Variants in ASB15 observed in about 807,000 individuals in gnomAD.
ASB15 encodes ankyrin repeat and SOCS box containing 15.
ASB15 carries 54 observed loss-of-function variants against 58.0 expected under a neutral mutation model. The observed-to-expected ratio is 0.93, with a 90% CI of 0.75 to 1.17. The LOEUF is 1.17. Ranked by LOEUF, ASB15 falls within the 50% of genes most tolerant of loss-of-function variation. The probability of loss-of-function intolerance (pLI) is 0.00; values close to 1 mark genes in which losing one functional copy is unlikely to be tolerated. For missense variants in ASB15, 680 were observed against 707.4 expected, an observed-to-expected ratio of 0.96 and a Z score of 0.44; for synonymous variants, 249 against 262.4, an observed-to-expected ratio of 0.95 and a Z score of 0.50.
chr7:123,613,223 C>T (rs73718437), intron 3 of ASB15, among the ~76,000 whole-genome samples: 12,596 of 152,040 alleles, frequency 0.083, 606 homozygotes, highest in African/African-American at 0.13. Context: ...AATTATCCAA[C>T]CTTGAGGAAG....
At position 123,629,550 on chromosome 7, in the gene ASB15, G is replaced by GT. The variant is rs1396469396; in HGVS notation, c.1440+122dup. The GT allele has an allele frequency of 2.7e-5, 28 of 1,031,238 alleles. 1 individual carries two copies. In the East Asian group the frequency reaches 4.7e-4, roughly 17 times the overall value. The allele number at this position is 1,031,238 out of a possible 1,614,324, so 63.9% of individuals were successfully genotyped here. On this transcript the variant is annotated intron_variant, in intron 10 of 11. Coordinates refer to ENST00000451215, the MANE Select transcript of ASB15 (RefSeq NM_001290258.2). ...AAACTCTAATTTTTCTATTTTTCTT[G>GT]TTTTTTCAATTTTTGTATGCAATGA...
intron 1 of ASB15, among the ~76,000 whole-genome samples, chr7:123,567,449 A>G (rs1343144701): frequency 2.0e-5 from 3 of 152,222 alleles, no homozygotes; most frequent in African/African-American, 7.2e-5. Flanking sequence ...CCTCTAGCCT[A>G]TCCAATAAAA....
chr7:123,575,600 T>C (rs902740897), intron 1 of ASB15, among the ~76,000 whole-genome samples: 4 of 152,068 alleles, frequency 2.6e-5, no homozygotes, highest in Admixed American at 2.0e-4. Flanking sequence ...TCCCTACTAC[T>C]CCATTTGTCA....
intron 1 of ASB15, among the ~76,000 whole-genome samples, chr7:123,586,220 C>T (rs866766385): frequency 9.2e-5 from 14 of 151,878 alleles, no homozygotes; most frequent in Middle Eastern, 3.4e-3. Flanking sequence ...TTTTATTTCT[C>T]CACTTCATCA....
rs368088097 is a variant in ASB15, at chr7:123,629,201, G to A, written c.1207G>A (p.Gly403Arg). 4.0e-5 allele frequency: 64 copies of A among 1,613,602 alleles called. 2 individuals are homozygous for A. Among genetic ancestry groups the A allele is most frequent in the Non-Finnish European group, 5.9e-6 (7 of 1,179,640 alleles). The change falls in exon 10 of 12, where the codon GGA (glycine) becomes AGA (arginine). Residue 403 changes from glycine (G) to arginine (R), a missense_variant. Transcript: ENST00000451215. ...YEIVRLLLSHGANVNCYFMHV... is the reference protein window; with the variant it reads ...YEIVRLLLSHRANVNCYFMHV... ...AATTGTCAGGCTGCTTCTCTCCCAT[G>A]GAGCTAATGTCAATTGTTATTTTAT...
At chr7:123,583,850 AT>A (rs1458105274) in intron 1 of ASB15, among the ~76,000 whole-genome samples, 1 of 151,936 alleles carries the variant, frequency 6.6e-6, no homozygotes, top group Non-Finnish European at 1.5e-5. Flanking sequence ...TGATTCCACA[AT>A]AAAAAACCAA....
chr7:123,635,796 GA>G (rs974763291), intron 11 of ASB15, among the ~76,000 whole-genome samples: 28 of 144,588 alleles, frequency 1.9e-4, no homozygotes, highest in East Asian at 6.0e-4. Flanking sequence ...TATTGGTTAG[GA>G]AAAAAAAAAA....
intron 6 of ASB15, among the ~76,000 whole-genome samples, chr7:123,616,920 A>G (rs568359692): frequency 2.6e-5 from 4 of 152,276 alleles, no homozygotes; most frequent in Admixed American, 6.5e-5. Context: ...TGGTCTTTAC[A>G]TTACATTGAT....
At chr7:123,615,006 T>C (rs1800706929) in intron 4 of ASB15, among the ~76,000 whole-genome samples, 1 of 152,222 alleles carries the variant, frequency 6.6e-6, no homozygotes. Context: ...CTGATACAGC[T>C]AACCCTTTAT....
intron 2 of ASB15, among the ~76,000 whole-genome samples, chr7:123,605,024 A>T (rs1251943244): frequency 6.6e-6 from 1 of 152,176 alleles, no homozygotes; most frequent in African/African-American, 2.4e-5. Context: ...TGGCCTGTAC[A>T]TGATTTCAAA....
chr7:123,581,221 A>C (rs896004654), intron 1 of ASB15, among the ~76,000 whole-genome samples: 3 of 151,930 alleles, frequency 2.0e-5, no homozygotes, highest in Non-Finnish European at 4.4e-5. Context: ...TACTTACTAG[A>C]TAGTAGAAGG....
chr7:123,574,509 G>C (rs975674003), intron 1 of ASB15, among the ~76,000 whole-genome samples: 2 of 152,142 alleles, frequency 1.3e-5, no homozygotes, highest in Non-Finnish European at 2.9e-5. Context: ...GATAATGATA[G>C]TGGGCTGTGA....
In ASB15 at chr7:123,630,040, G is replaced by C; in HGVS notation, c.1515G>C (p.Met505Ile). 1 of 1,606,790 alleles carries C rather than the reference G, an allele frequency of 6.2e-7. No homozygotes were observed. The highest frequency in any genetic ancestry group is 8.5e-7 in the Non-Finnish European group (1 of 1,174,020). ...GRVTRVLIDY[M>I]DYVPLCAKLK... ...TTACTCGTGTACTAATAGATTACAT[G>C]GATTATGTTCCTCTGTGTGCTAAAC... is the stretch of plus-strand genomic sequence containing the variant. The change falls in exon 11 of 12, where the codon ATG becomes ATC. Residue 505 changes from methionine to isoleucine, a missense_variant. Coordinates refer to ENST00000451215, the MANE Select transcript of ASB15 (RefSeq NM_001290258.2).
chr7:123,586,548 T>G (rs1799379249), intron 1 of ASB15, among the ~76,000 whole-genome samples: 1 of 151,862 alleles, frequency 6.6e-6, no homozygotes, highest in African/African-American at 2.4e-5. Context: ...GCAGAAACTT[T>G]TAAAATTTGA....
In ASB15 at chr7:123,637,501, T is replaced by C. The variant is rs1269326988; in HGVS notation, c.*520T>C. The C allele has an allele frequency of 6.5e-6, 1 of 152,864 alleles. No individual in the cohort carries two copies. The highest frequency in any genetic ancestry group is 1.5e-5 in the Non-Finnish European group (1 of 68,424). The allele number at this position is 152,864 out of a possible 1,614,324, so 9.5% of individuals were successfully genotyped here. A position where few individuals can be genotyped will look rare whatever the true frequency, so the allele number is the denominator to read the frequency against. ...CAATCGATTCCTACAGCATCTAACA[T>C]TGTTGCCTGTTCCTTGCTTGAAATG... On this transcript the variant is annotated 3_prime_UTR_variant, in exon 12 of 12. Coordinates refer to ENST00000451215, the MANE Select transcript of ASB15 (RefSeq NM_001290258.2).
At chr7:123,636,497 A>T (rs1802434979) in intron 11 of ASB15, among the ~76,000 whole-genome samples, 1 of 152,142 alleles carries the variant, frequency 6.6e-6, no homozygotes, top group Non-Finnish European at 1.5e-5. Flanking sequence ...AAAAATAAAG[A>T]AGAGATGTGA....
chr7:123,581,801 C>T (rs1392715607), intron 1 of ASB15, among the ~76,000 whole-genome samples: 1 of 151,832 alleles, frequency 6.6e-6, no homozygotes, highest in East Asian at 1.9e-4. Flanking sequence ...TGTATATTTT[C>T]TCCCTTTTTG....
In ASB15 at chr7:123,624,734, G is replaced by C. The variant is rs141520382; in HGVS notation, c.617G>C (p.Arg206Thr). ...LLKHGGNVHL[R>T]DGFGVTPLGV... ...AAACATGGAGGCAATGTCCACCTGA[G>C]AGATGGATTTGGAGTCACACCACTA... is the stretch of plus-strand genomic sequence containing the variant. Residue 206 changes from arginine to threonine, a missense_variant, in exon 8 of 12, where the codon AGA becomes ACA. Arg to Thr is a moderately conservative substitution (Grantham distance 71, BLOSUM62 -1). Coordinates refer to ENST00000451215, the MANE Select transcript of ASB15 (RefSeq NM_001290258.2). 7.8e-5 allele frequency: 126 copies of C among 1,614,008 alleles called. No individual in the cohort carries two copies. Among genetic ancestry groups the C allele is most frequent in the Middle Eastern group, 1.6e-4 (1 of 6,084 alleles).
intron 3 of ASB15, chr7:123,609,019 T>C (rs1476695978): frequency 1.3e-5 from 2 of 151,328 alleles, no homozygotes; most frequent in Non-Finnish European, 2.9e-5. Context: ...GCCCTTCCTC[T>C]GATAGGATAA....
Sources: allele counts gnomAD v4.1 joint callset (sites outside exome capture counted in the v4.1 genomes callset), GRCh38; gene constraint gnomAD v4.1.1; transcripts MANE v1.5; gene names NCBI Gene and HGNC (gene_info 2026-07-23, HGNC 2026-07-21).